The following FARSB variants were observed in gnomAD, a reference collection of about 807,000 sequenced individuals.
FARSB encodes phenylalanine--tRNA ligase beta subunit.
A neutral mutation model predicts 69.6 loss-of-function variants in FARSB; 40 were observed. That is an observed-to-expected ratio of 0.57 (90% CI 0.45 to 0.75). The LOEUF (loss-of-function observed/expected upper bound fraction) is 0.75, where lower values mean the gene tolerates loss of function less well. FARSB is among the 30% of genes least tolerant of loss of function. The pLI, the probability that FARSB is intolerant of heterozygous loss-of-function variation, is 0.00. For synonymous variants in FARSB, 235 were observed against 247.2 expected (o/e 0.95, Z 0.46); for missense variants, 632 against 722.9 (o/e 0.87, Z 1.44).
At chr2:222,600,140 AT>A in intron 15 of FARSB, 57 bp from the exon 16 acceptor site, 1 of 1,397,582 alleles carries the variant, frequency 7.2e-7, no homozygotes, top group Non-Finnish European at 9.7e-7. Flanking sequence ...TAAGAAACTG[AT>A]TTACCCCAGT....
chr2:222,584,572 G>A (rs562895457), intron 16 of FARSB, among the ~76,000 whole-genome samples: 12 of 152,306 alleles, frequency 7.9e-5, no homozygotes, highest in Admixed American at 1.3e-4. Context: ...ACAAGGGGTC[G>A]GGGAATTCCC....
At chr2:222,626,759 T>C (rs1288790393) in intron 10 of FARSB, among the ~76,000 whole-genome samples, 2 of 152,130 alleles carry the variant, frequency 1.3e-5, no homozygotes, top group African/African-American at 2.4e-5. Flanking sequence ...AGAGGCTGGA[T>C]GCGGTGGCTC....
At chr2:222,628,783 C>A (rs1004494721) in intron 10 of FARSB, 54 bp downstream of exon 10, 1 of 1,206,122 alleles carries the variant, frequency 8.3e-7, no homozygotes. Flanking sequence ...TGCTCTATAG[C>A]CATTATTATT....
At chr2:222,612,035 A>T (rs1690869115) in intron 15 of FARSB, among the ~76,000 whole-genome samples, 2 of 152,232 alleles carry the variant, frequency 1.3e-5, no homozygotes, top group Admixed American at 6.5e-5. Flanking sequence ...ACAGATCATC[A>T]AGGATCAAAA....
At chr2:222,652,497 CCTCGGCACTCTCTTACTTACCTACTCT>C (rs1196491353) in intron 1 of FARSB, among the ~76,000 whole-genome samples, 1 of 152,202 alleles carries the variant, frequency 6.6e-6, no homozygotes, top group Non-Finnish European at 1.5e-5. Flanking sequence ...AGGCGTCTAT[CCTCGGCACTCTCTTACTTACCTACTCT>C]CTCGGACCTC....
At chr2:222,610,474 T>C (rs1269598006) in intron 15 of FARSB, among the ~76,000 whole-genome samples, 1 of 149,142 alleles carries the variant, frequency 6.7e-6, no homozygotes, top group Non-Finnish European at 1.5e-5. Flanking sequence ...TCGTCTGTTT[T>C]AGTTTTCTTA....
intron 16 of FARSB, among the ~76,000 whole-genome samples, chr2:222,575,183 T>C (rs911793999): frequency 1.3e-5 from 2 of 152,182 alleles, no homozygotes; most frequent in African/African-American, 4.8e-5. Context: ...ATAACTCCGG[T>C]AGATTAATGT....
intron 15 of FARSB, among the ~76,000 whole-genome samples, chr2:222,601,701 G>T (rs1471678440): frequency 6.6e-6 from 1 of 151,962 alleles, no homozygotes; most frequent in East Asian, 1.9e-4. Context: ...TCGCTCTGTT[G>T]CCCACCCTGG....
Position 222,625,071 on chromosome 2 carries a change from G to A in FARSB, c.901-296C>T, listed in dbSNP as rs7596681. On this transcript the variant is annotated intron_variant, in intron 10 of 16. Transcript: ENST00000281828. ...TCCCCATTCCCCACAGTAAAACACT[G>A]TTGTGCTACATCATTCCAAAGACGT... Among the ~76,000 whole-genome samples the A allele has an allele frequency of 9.4e-3, 1,435 of 152,292 alleles. 27 individuals are homozygous for A. Among genetic ancestry groups the A allele is most frequent in the African/African-American group, 0.033 (1,365 of 41,562 alleles).
chr2:222,654,861 A>G (rs1222466155), intron 1 of FARSB, among the ~76,000 whole-genome samples: 1 of 152,186 alleles, frequency 6.6e-6, no homozygotes, highest in Non-Finnish European at 1.5e-5. Context: ...CAAAAAAAAC[A>G]GCTCTCACGA....
Position 222,571,940 on chromosome 2 carries a change from G to A in FARSB, c.1701C>T (p.Asp567=), listed in dbSNP as rs141929079. 234 of 1,613,606 alleles carry A rather than the reference G, an allele frequency of 1.5e-4. No individual in the cohort carries two copies. The highest frequency in any genetic ancestry group is 1.9e-4 in the Non-Finnish European group (225 of 1,179,802). The change falls in exon 17 of 17, where the codon GAC becomes GAT. Residue 567 remains aspartate (D), a synonymous_variant. Coordinates refer to ENST00000281828, the MANE Select transcript of FARSB (RefSeq NM_005687.5). ...SVGKLGVLHP[D]VITKFELTMP... ...TGGTCAGCTCAAATTTGGTGATAAC[G>A]TCAGGATGAAGGACCCCAAGCTTCC...
At chr2:222,609,644 G>C (rs1690792856) in intron 15 of FARSB, among the ~76,000 whole-genome samples, 3 of 152,152 alleles carry the variant, frequency 2.0e-5, no homozygotes, top group African/African-American at 4.8e-5. Flanking sequence ...CAGCCTCAAA[G>C]AACCTGAATG....
chr2:222,614,243 T>C lies in FARSB; in HGVS notation c.1345-315A>G, dbSNP rs1480862700. On this transcript the variant is annotated intron_variant, in intron 14 of 16. Coordinates refer to ENST00000281828, the MANE Select transcript of FARSB (RefSeq NM_005687.5). ...TAAGCCTTGGTTATTTTATTCATTA[T>C]CATTCATTATTTTATTTTTTCTTTT... Among the ~76,000 whole-genome samples the C allele has an allele frequency of 7.2e-5, 11 of 152,352 alleles. No homozygotes were observed. In the East Asian group the frequency reaches 2.1e-3, roughly 29 times the overall value.
rs192971457 is a variant in FARSB at position 222,600,942 on chromosome 2, G to T, written c.1463-859C>A. Among the ~76,000 whole-genome samples, 221 of 152,272 alleles carry T rather than the reference G, an allele frequency of 1.5e-3. 1 individual carries two copies. Among genetic ancestry groups the T allele is most frequent in the Admixed American group, 0.013 (193 of 15,304 alleles). ...TTCTTCACAAAGCATAAAAAAAGCAGAATACTAAAGTTTATGAAGCTATGC... is the reference window on the plus strand; with the variant it reads ...TTCTTCACAAAGCATAAAAAAAGCATAATACTAAAGTTTATGAAGCTATGC... On this transcript the variant is annotated intron_variant, in intron 15 of 16. Transcript: ENST00000281828.
intron 2 of FARSB, among the ~76,000 whole-genome samples, chr2:222,645,235 A>C (rs1559216874): frequency 6.6e-6 from 1 of 152,210 alleles, no homozygotes; most frequent in Non-Finnish European, 1.5e-5. Flanking sequence ...CAGGCAAAGT[A>C]ATTGTCCATA....
At chr2:222,633,007 TACATAAGAATC>T (rs1336994504) in intron 7 of FARSB, among the ~76,000 whole-genome samples, 181 bp downstream of exon 7, 15 of 152,168 alleles carry the variant, frequency 9.9e-5, no homozygotes, top group Admixed American at 7.9e-4. Context: ...GAGCATAAGT[TACATAAGAATC>T]ACCAATAAAA....
chr2:222,628,754 T>C lies in FARSB; in HGVS notation c.900+83A>G, dbSNP rs142027618. 1.2e-3 allele frequency: 1,097 copies of C among 927,350 alleles called. 15 individuals carry two copies. In the African/African-American group the frequency reaches 0.016, roughly 14 times the overall value. 57.4% of individuals were successfully genotyped at this position (927,350 alleles called of 1,614,324 possible). On this transcript the variant is annotated intron_variant, in intron 10 of 16. Transcript: ENST00000281828. ...CACGGGTGGGTAGGTAGGGGATGGA[T>C]AGACAGACAGAACATGAGTGCTCTA...
intron 13 of FARSB, among the ~76,000 whole-genome samples, chr2:222,620,204 G>A (rs1175528450): frequency 6.6e-6 from 1 of 152,170 alleles, no homozygotes; most frequent in Non-Finnish European, 1.5e-5. Flanking sequence ...CCCTAAGGCT[G>A]ACTTAAATGA....
intron 16 of FARSB, among the ~76,000 whole-genome samples, chr2:222,574,525 G>A (rs1689789074): frequency 6.6e-6 from 1 of 152,114 alleles, no homozygotes; most frequent in African/African-American, 2.4e-5. Context: ...ACATACAGGA[G>A]CCTGCTGCCC....
Sources: gnomAD v4.1 joint callset for allele counts (sites outside exome capture counted in the v4.1 genomes callset) on GRCh38, gnomAD v4.1.1 for gene constraint, MANE v1.5 for transcripts, NCBI Gene and HGNC (gene_info 2026-07-23, HGNC 2026-07-21) for gene names.